The following SYT16 variants were observed in gnomAD, a reference collection of about 807,000 sequenced individuals.
The protein encoded by SYT16 is synaptotagmin-16.
In SYT16, 42 loss-of-function variants were observed where a neutral mutation model predicts 61.4. The observed-to-expected ratio is 0.68, with a 90% CI of 0.53 to 0.89. The LOEUF (loss-of-function observed/expected upper bound fraction) is 0.89. Ranked by LOEUF, SYT16 falls within the 40% of genes least tolerant of loss-of-function variation. The pLI is 0.00. For synonymous variants in SYT16, 314 were observed against 302.3 expected, an observed-to-expected ratio of 1.04 and a Z score of -0.40; for missense variants, 804 against 807.3, an observed-to-expected ratio of 1.00 and a Z score of 0.05.
intron 7 of SYT16, 110 bp downstream of exon 7, chr14:62,084,495 G>A (rs753704537): frequency 2.1e-4 from 257 of 1,250,512 alleles, no homozygotes; most frequent in Non-Finnish European, 2.6e-4. Context: ...ATCTTATTAT[G>A]GCTTAAGCAA....
At chr14:62,068,169 G>A (rs1296115640) in intron 3 of SYT16, among the ~76,000 whole-genome samples, 2 of 152,076 alleles carry the variant, frequency 1.3e-5, no homozygotes, top group Non-Finnish European at 2.9e-5. Flanking sequence ...TGGACAAATG[G>A]ATAAAGAAAT....
rs908920833 is a variant in SYT16, at chr14:62,104,066, T to G, written c.*3359T>G. Reference sequence around the variant, plus strand: ...ATCTGAGAACCAAAATTCTTTTCTTTCCAGATGAAGTACTATTTAAGTAGA... The same window carrying G: ...ATCTGAGAACCAAAATTCTTTTCTTGCCAGATGAAGTACTATTTAAGTAGA... On this transcript the variant is annotated 3_prime_UTR_variant, in exon 8 of 8. Coordinates refer to ENST00000683842, the MANE Select transcript of SYT16 (RefSeq NM_001367656.1). 2.0e-5 allele frequency: 3 copies of G among 152,208 alleles called. No individual in the cohort carries two copies. Among genetic ancestry groups the G allele is most frequent in the African/African-American group, 7.2e-5 (3 of 41,460 alleles). The allele number at this position is 152,208 out of a possible 1,614,324, so 9.4% of individuals were successfully genotyped here. A position where few individuals can be genotyped will look rare whatever the true frequency, so the allele number is the denominator to read the frequency against.
chr14:61,993,670 TTGAG>T (rs1308398212), intron 2 of SYT16, among the ~76,000 whole-genome samples: 4 of 152,026 alleles, frequency 2.6e-5, no homozygotes, highest in African/African-American at 4.8e-5. Flanking sequence ...CCGAAAAACT[TTGAG>T]TGGCGAAATG....
chr14:62,012,358 C>T (rs2053503322), intron 3 of SYT16, among the ~76,000 whole-genome samples: 1 of 152,180 alleles, frequency 6.6e-6, no homozygotes, highest in African/African-American at 2.4e-5. Context: ...AGGCCACCCT[C>T]AACTGCTGGA....
intron 2 of SYT16, among the ~76,000 whole-genome samples, chr14:61,975,877 A>G: frequency 6.6e-6 from 1 of 152,188 alleles, no homozygotes; most frequent in South Asian, 2.1e-4. Flanking sequence ...AGTCCCCCAA[A>G]GTCTTAATTC....
At chr14:61,898,652 C>T (rs2048408097) in intron 1 of SYT16, among the ~76,000 whole-genome samples, 1 of 152,158 alleles carries the variant, frequency 6.6e-6, no homozygotes, top group South Asian at 2.1e-4. Context: ...TTCCAGTGGG[C>T]ACAGACACGA....
At chr14:61,939,866 G>A (rs945801623) in intron 1 of SYT16, among the ~76,000 whole-genome samples, 1 of 152,088 alleles carries the variant, frequency 6.6e-6, no homozygotes, top group South Asian at 2.1e-4. Flanking sequence ...CCTATCTATG[G>A]TGATAAAATG....
At chr14:62,009,591 C>T (rs187181256) in intron 3 of SYT16, among the ~76,000 whole-genome samples, 95 of 152,234 alleles carry the variant, frequency 6.2e-4, no homozygotes, top group African/African-American at 2.2e-3. Context: ...TACGGTTCTC[C>T]TATGTTGGCG....
At chr14:62,001,903 G>T (rs8011846) in intron 3 of SYT16, among the ~76,000 whole-genome samples, 2 of 151,770 alleles carry the variant, frequency 1.3e-5, no homozygotes, top group Non-Finnish European at 2.9e-5. Flanking sequence ...CGTGTTTTTC[G>T]TGTCTAGCAT....
At chr14:62,040,594 T>C (rs535554197) in intron 3 of SYT16, among the ~76,000 whole-genome samples, 66 of 152,340 alleles carry the variant, frequency 4.3e-4, no homozygotes, top group African/African-American at 1.5e-3. Context: ...TGTCTAAGTA[T>C]AGAGTTCTGT....
chr14:62,061,952 T>C (rs2055845779), intron 3 of SYT16, among the ~76,000 whole-genome samples: 1 of 127,876 alleles, frequency 7.8e-6, no homozygotes, highest in South Asian at 2.5e-4. Flanking sequence ...TTAAAAAATG[T>C]TGTTGTGAAT....
chr14:62,044,201 GAA>G (rs201971671), intron 3 of SYT16, among the ~76,000 whole-genome samples: 1 of 138,388 alleles, frequency 7.2e-6, no homozygotes. Flanking sequence ...CCCTGTCTTT[GAA>G]AAAAAAAAAA....
At chr14:61,830,030 TA>T (rs111928187) in intron 1 of SYT16, among the ~76,000 whole-genome samples, 6,360 of 150,794 alleles carry the variant, frequency 0.042, 212 homozygotes, top group African/African-American at 0.084. Context: ...GCTAGTGAGT[TA>T]AAAAAAAAAT....
In SYT16 at chr14:62,048,669, A is replaced by G. The variant is rs984225700; in HGVS notation, c.524-20934A>G. On this transcript the variant is annotated intron_variant, in intron 3 of 7. Transcript: ENST00000683842. Reference sequence around the variant, plus strand: ...TTGAATGTGTCCCAGAGATTCTGGTATGTCGTGTCTTTGTTCTTGTTGGTT... The same window carrying G: ...TTGAATGTGTCCCAGAGATTCTGGTGTGTCGTGTCTTTGTTCTTGTTGGTT... 2.0e-5 allele frequency among the ~76,000 whole-genome samples: 3 copies of G among 152,254 alleles called. 1 individual carries two copies. The highest frequency in any genetic ancestry group is 4.2e-4 in the South Asian group (2 of 4,816).
At chr14:61,969,663 A>G (rs1211432221) in intron 1 of SYT16, among the ~76,000 whole-genome samples, 1 of 152,214 alleles carries the variant, frequency 6.6e-6, no homozygotes, top group African/African-American at 2.4e-5. Flanking sequence ...TTTCCCTCCA[A>G]TCGCTAATAT....
rs960448742 is a variant in SYT16, at chr14:62,051,813, C to A, written c.524-17790C>A. On this transcript the variant is annotated intron_variant, in intron 3 of 7. Coordinates refer to ENST00000683842, the MANE Select transcript of SYT16 (RefSeq NM_001367656.1). Reference sequence around the variant, plus strand: ...TTGGGAGGCCAAGGCAGGTGGATCACCTAAGCCCAGGAGTTTGAGATCAGC... The same window carrying A: ...TTGGGAGGCCAAGGCAGGTGGATCAACTAAGCCCAGGAGTTTGAGATCAGC... Among the ~76,000 whole-genome samples the A allele has an allele frequency of 5.3e-5, 8 of 152,270 alleles. No homozygotes were observed. The South Asian group carries it at 1.2e-3, about 24-fold the overall frequency.
intron 1 of SYT16, among the ~76,000 whole-genome samples, chr14:61,832,734 G>T (rs1198080958): frequency 6.6e-6 from 1 of 152,014 alleles, no homozygotes; most frequent in African/African-American, 2.4e-5. Flanking sequence ...CACCGTGCCC[G>T]GCCCAGCCCA....
chr14:61,822,302 C>T (rs972801963), intron 1 of SYT16, among the ~76,000 whole-genome samples: 3 of 152,134 alleles, frequency 2.0e-5, no homozygotes, highest in Non-Finnish European at 4.4e-5. Flanking sequence ...AGGGTGGATC[C>T]CCCATCTTTT....
chr14:61,954,871 TAATAA>T (rs1327861867), intron 1 of SYT16, among the ~76,000 whole-genome samples: 1 of 152,136 alleles, frequency 6.6e-6, no homozygotes, highest in African/African-American at 2.4e-5. Flanking sequence ...AAATGTTGAA[TAATAA>T]AATTGCAGAA....
Sources: allele counts gnomAD v4.1 joint callset (sites outside exome capture counted in the v4.1 genomes callset), GRCh38; gene constraint gnomAD v4.1.1; transcripts MANE v1.5; gene names NCBI Gene and HGNC (gene_info 2026-07-23, HGNC 2026-07-21).